The following TH variants were observed in gnomAD, a reference collection of about 807,000 sequenced individuals.
The protein encoded by TH is tyrosine hydroxylase.
In TH, 49 loss-of-function variants were observed where a neutral mutation model predicts 57.4. The observed-to-expected ratio is 0.85, with a 90% CI of 0.68 to 1.08. The LOEUF (loss-of-function observed/expected upper bound fraction) is 1.08, where lower values mean the gene tolerates loss of function less well. Ranked by LOEUF, TH falls within the 50% of genes least tolerant of loss-of-function variation. The pLI, the probability that TH is intolerant of heterozygous loss-of-function variation, is 0.00. For synonymous variants in TH, 330 were observed against 304.5 expected (o/e 1.08, Z -0.87); for missense variants, 720 against 696.7 (o/e 1.03, Z -0.38).
In TH at chr11:2,167,456, G is replaced by A. The variant is rs141907589; in HGVS notation, c.674C>T (p.Thr225Ile). 1.3e-6 allele frequency: 2 copies of A among 1,563,978 alleles called. No homozygotes were observed. Among genetic ancestry groups the A allele is most frequent in the South Asian group, 1.2e-5 (1 of 84,996 alleles). The change falls in exon 6 of 13, where the codon ACC (threonine) becomes ATC (isoleucine). Residue 225 changes from threonine (T) to isoleucine (I), a missense_variant. Coordinates refer to ENST00000352909, the MANE Select transcript of TH (RefSeq NM_000360.4). ...HGDPIPRVEY[T>I]AEEIATWKEV... ...TCACCAGGTGGCAATCTCCTCGGCG[G>A]TGTACTCCACACGGGGAATCGGGTC...
At chr11:2,168,466 C>T (rs1414717378) in intron 3 of TH, 25 bp downstream of exon 3, 5 of 1,611,582 alleles carry the variant, frequency 3.1e-6, no homozygotes, top group Non-Finnish European at 3.4e-6. Context: ...ATTTGGTGGC[C>T]CTCAAGGACA....
chr11:2,165,906 G>T (rs149147081), intron 10 of TH, 96 bp downstream of exon 10: 2 of 1,498,946 alleles, frequency 1.3e-6, no homozygotes, highest in Non-Finnish European at 1.8e-6. Flanking sequence ...ATTCGTGGGT[G>T]GAAGGAGAGG....
At position 2,171,774 on chromosome 11, in the gene TH, C is replaced by T. The variant is rs777016570; in HGVS notation, c.13G>A (p.Asp5Asn). 51 of 1,612,004 alleles carry T rather than the reference C, an allele frequency of 3.2e-5. No individual in the cohort carries two copies. The highest frequency in any genetic ancestry group is 2.9e-4 in the East Asian group (13 of 44,858). Reference protein sequence around the residue: MPTPDATTPQAKGFR... With the variant: MPTPNATTPQAKGFR... Reference sequence around the variant, plus strand: ...CCCTTGGCCTGTGGCGTGGTGGCGTCGGGGGTGGGCATGGCTCAGTGTGGA... The same window carrying T: ...CCCTTGGCCTGTGGCGTGGTGGCGTTGGGGGTGGGCATGGCTCAGTGTGGA... The change falls in exon 1 of 13, where the codon GAC becomes AAC. Residue 5 changes from aspartate to asparagine, a missense_variant. Physicochemically the swap from Asp to Asn is conservative, Grantham distance 23. Coordinates refer to ENST00000352909, the MANE Select transcript of TH (RefSeq NM_000360.4). This position sits in a 1 kb window ranked among gnomAD's most constrained non-coding sequence, Gnocchi z 8.6.
In TH at chr11:2,164,229, G is replaced by A. The variant is rs766191586; in HGVS notation, c.*4C>T. ...TGGGAAGGGCCCTCAGGGACGCCGT[G>A]CACCTAGCCAATGGCACTCAGCGCA... is the stretch of plus-strand genomic sequence containing the variant. On this transcript the variant is annotated 3_prime_UTR_variant, in exon 13 of 13. Coordinates refer to ENST00000352909, the MANE Select transcript of TH (RefSeq NM_000360.4). 2 of 1,453,400 alleles carry A rather than the reference G, an allele frequency of 1.4e-6. No homozygotes were observed. Among genetic ancestry groups the A allele is most frequent in the Non-Finnish European group, 1.8e-6 (2 of 1,098,694 alleles). 90.0% of individuals were successfully genotyped at this position (1,453,400 alleles called of 1,614,324 possible).
In TH at chr11:2,168,163, T is replaced by G; in HGVS notation, c.504A>C (p.Arg168Ser). The G allele has an allele frequency of 6.2e-6, 10 of 1,613,544 alleles. No homozygotes were observed. Among genetic ancestry groups the G allele is most frequent in the Non-Finnish European group, 8.5e-6 (10 of 1,180,000 alleles). Residue 168 changes from arginine (R) to serine (S), a missense_variant, in exon 4 of 13, where the codon AGA becomes AGC. Transcript: ENST00000352909. ...GACACTTGTCCAGCTCTGACACTTTTCTTGGGAACCAGGGGACTTTATGGG... is the reference window on the plus strand; with the variant it reads ...GACACTTGTCCAGCTCTGACACTTTGCTTGGGAACCAGGGGACTTTATGGG... ...PAGPKVPWFP[R>S]KVSELDKCHH... is the part of the protein sequence containing the mutation.
chr11:2,165,521 C>A, intron 11 of TH, 147 bp downstream of exon 11: 1 of 1,367,382 alleles, frequency 7.3e-7, no homozygotes, highest in Non-Finnish European at 1.0e-6. Context: ...GGGGTGAGGA[C>A]TGGGCAGAGA....
intron 2 of TH, among the ~76,000 whole-genome samples, chr11:2,169,091 C>T (rs1361376521): frequency 6.6e-6 from 1 of 152,160 alleles, no homozygotes; most frequent in Non-Finnish European, 1.5e-5. Flanking sequence ...AGGGTCCGCT[C>T]CACCCCCACC....
At chr11:2,167,675 C>T in intron 5 of TH, 190 bp from the exon 6 acceptor site, 1 of 1,076,154 alleles carries the variant, frequency 9.3e-7, no homozygotes, top group Non-Finnish European at 1.4e-6. Flanking sequence ...GCAGGTTGCT[C>T]TAGCCCCCCT....
Position 2,167,433 on chromosome 11 carries a change from A to G in TH, c.695+2T>C. On this transcript the variant is annotated splice_donor_variant, in intron 6 of 12. Transcript: ENST00000352909. LOFTEE classifies it high-confidence loss of function. ...CAGCCCCTAGCTGCACGGAGGTCTC[A>G]CCAGGTGGCAATCTCCTCGGCGGTG... The G allele has an allele frequency of 6.4e-7, 1 of 1,560,888 alleles. No individual in the cohort carries two copies. The highest frequency in any genetic ancestry group is 8.7e-7 in the Non-Finnish European group (1 of 1,152,480).
At position 2,171,224 on chromosome 11, in the gene TH, GC is replaced by G. The variant is rs953087583; in HGVS notation, c.90+472del. 3.3e-5 allele frequency among the ~76,000 whole-genome samples: 5 copies of G among 152,144 alleles called. No individual in the cohort carries two copies. Among genetic ancestry groups the G allele is most frequent in the Non-Finnish European group, 5.9e-5 (4 of 68,006 alleles). ...CCCCCCACCATGAGCTGCTGCTAGAGCCTGGGAAGGGCCTTGGGGCTGCCTC... is the reference window on the plus strand; with the variant it reads ...CCCCCCACCATGAGCTGCTGCTAGAGCTGGGAAGGGCCTTGGGGCTGCCTC... On this transcript the variant is annotated intron_variant, in intron 1 of 12. Coordinates refer to ENST00000352909, the MANE Select transcript of TH (RefSeq NM_000360.4). This position sits in a 1 kb window ranked among gnomAD's most constrained non-coding sequence, Gnocchi z 8.6.
Position 2,165,758 on chromosome 11 carries a change from G to T in TH, c.1110C>A (p.Tyr370Ter). 1 of 1,612,452 alleles carries T rather than the reference G, an allele frequency of 6.2e-7. No homozygotes were observed. The highest frequency in any genetic ancestry group is 8.5e-7 in the Non-Finnish European group (1 of 1,179,872). The stretch of plus-strand genomic sequence containing the variant: ...ACAGCCCGAACTCCACCGTGAACCA[G>T]TACAGCTGCGGGGAAGCCGGGCAGC... The part of the protein sequence containing the change: ...DEEIEKLSTL[Y>*]WFTVEFGLCK... The change falls in exon 11 of 13, where the codon TAC becomes TAA. Residue 370 changes from tyrosine to a stop codon, truncating the protein, a stop_gained. Transcript: ENST00000352909. LOFTEE classifies it high-confidence loss of function.
chr11:2,170,793 G>C lies in TH; in HGVS notation c.90+904C>G, dbSNP rs750798389. ...GCCCTGGGGAGGGGATGCCTGATGG[G>C]GAGCCTGGTGGGGGAGGGTAGGGGA... On this transcript the variant is annotated intron_variant, in intron 1 of 12. Transcript: ENST00000352909. The surrounding 1 kb of genome is among the most constrained non-coding windows in gnomAD (Gnocchi z 6.0). 2.6e-6 allele frequency: 3 copies of C among 1,172,364 alleles called. No individual in the cohort carries two copies. The African/African-American group carries it at 4.6e-5, about 18-fold the overall frequency. The allele number at this position is 1,172,364 out of a possible 1,614,324, so 72.6% of individuals were successfully genotyped here.
In TH at chr11:2,169,889, A is replaced by T. The variant is rs1356088004; in HGVS notation, c.91-18T>A. ...CGCGGGGACTGTGGGGACAAGGGGCACCCATGCCTCCTCCACCTGCTGAGA... is the reference window on the plus strand; with the variant it reads ...CGCGGGGACTGTGGGGACAAGGGGCTCCCATGCCTCCTCCACCTGCTGAGA... On this transcript the variant is annotated intron_variant, in intron 1 of 12. Coordinates refer to ENST00000352909, the MANE Select transcript of TH (RefSeq NM_000360.4). 2 of 1,603,406 alleles carry T rather than the reference A, an allele frequency of 1.2e-6. No individual in the cohort carries two copies. The highest frequency in any genetic ancestry group is 2.7e-5 in the African/African-American group (2 of 74,660).
rs1020997258 is a variant in TH, at chr11:2,171,295, G to A, written c.90+402C>T. 6.6e-6 allele frequency among the ~76,000 whole-genome samples: 1 copy of A among 152,046 alleles called. No homozygotes were observed. The highest frequency in any genetic ancestry group is 2.4e-5 in the African/African-American group (1 of 41,388). On this transcript the variant is annotated intron_variant, in intron 1 of 12. Coordinates refer to ENST00000352909, the MANE Select transcript of TH (RefSeq NM_000360.4). This position sits in a 1 kb window ranked among gnomAD's most constrained non-coding sequence, Gnocchi z 8.6. ...TGGGGTGCTGACTAGGGCAGCTGGGGCAGAGGGAGGCAGGGGCAGGTGGGA... is the reference window on the plus strand; with the variant it reads ...TGGGGTGCTGACTAGGGCAGCTGGGACAGAGGGAGGCAGGGGCAGGTGGGA...
In TH at chr11:2,166,708, G is replaced by A. The variant is rs1846101608; in HGVS notation, c.902C>T (p.Ala301Val). The change falls in exon 8 of 13, where the codon GCC becomes GTC. Residue 301 changes from alanine (A) to valine (V), a missense_variant. Ala to Val is a moderately conservative substitution (Grantham distance 64). Coordinates refer to ENST00000352909, the MANE Select transcript of TH (RefSeq NM_000360.4). ...CTGGAACACGCGGAAGGCCAGGCTGGCCAGGAAGTCCCGGGCGGACAGCAG... is the reference window on the plus strand; with the variant it reads ...CTGGAACACGCGGAAGGCCAGGCTGACCAGGAAGTCCCGGGCGGACAGCAG... ...AGLLSARDFL[A>V]SLAFRVFQCT... 1.3e-6 allele frequency: 2 copies of A among 1,553,658 alleles called. No individual in the cohort carries two copies. The highest frequency in any genetic ancestry group is 1.7e-6 in the Non-Finnish European group (2 of 1,148,810).
Position 2,170,193 on chromosome 11 carries a change from G to T in TH, c.91-322C>A, listed in dbSNP as rs2133700895. Among the ~76,000 whole-genome samples, 1 of 152,174 alleles carries T rather than the reference G, an allele frequency of 6.6e-6. No individual in the cohort carries two copies. Among genetic ancestry groups the T allele is most frequent in the East Asian group, 1.9e-4 (1 of 5,186 alleles). On this transcript the variant is annotated intron_variant, in intron 1 of 12. Transcript: ENST00000352909. This position sits in a 1 kb window ranked among gnomAD's most constrained non-coding sequence, Gnocchi z 6.0. ...GCTGTGTCACTCATCCCCAGGCCAG[G>T]CGCTAACTGGATTAGTGATGGGAAG...
chr11:2,169,894 T>C (rs768663079), intron 1 of TH, 23 bp from the exon 2 acceptor site: 1 of 1,601,092 alleles, frequency 6.2e-7, no homozygotes, highest in African/African-American at 1.3e-5. Flanking sequence ...GGGGCACCCA[T>C]GCCTCCTCCA....
rs1305570304 is a variant in TH at position 2,164,159 on chromosome 11, C to T, written c.*74G>A. 1 of 1,294,506 alleles carries T rather than the reference C, an allele frequency of 7.7e-7. No homozygotes were observed. Among genetic ancestry groups the T allele is most frequent in the Non-Finnish European group, 9.9e-7 (1 of 1,011,378 alleles). The allele number at this position is 1,294,506 out of a possible 1,614,324, so 80.2% of individuals were successfully genotyped here. On this transcript the variant is annotated 3_prime_UTR_variant, in exon 13 of 13. Transcript: ENST00000352909. Reference sequence around the variant, plus strand: ...ATGGGGGGCACCCGGGACCCAGCCCCTCACCAGGGCCTGAGCTCCGGGACA... The same window carrying T: ...ATGGGGGGCACCCGGGACCCAGCCCTTCACCAGGGCCTGAGCTCCGGGACA...
At chr11:2,167,773 A>G in intron 5 of TH, 93 bp downstream of exon 5, 1 of 1,424,428 alleles carries the variant, frequency 7.0e-7, no homozygotes, top group Non-Finnish European at 9.7e-7. Context: ...TGGTGACAAG[A>G]TGGGTCCTCC....
Sources: allele counts gnomAD v4.1 joint callset (sites outside exome capture counted in the v4.1 genomes callset), GRCh38; gene constraint gnomAD v4.1.1; non-coding constraint Gnocchi (gnomAD v3.1); transcripts MANE v1.5; gene names NCBI Gene and HGNC (gene_info 2026-07-23, HGNC 2026-07-21).